The following CIRSR variants were observed in gnomAD, a reference collection of about 807,000 sequenced individuals.
CIRSR encodes corepressor of RBPJ and splicing regulator, also known as CBF1 (RBPJ) interacting corepressor 1.
chr2:174,370,865 C>T, the CIRSR span, among the ~76,000 whole-genome samples: 6 of 147,006 alleles, frequency 4.1e-5, no homozygotes, highest in East Asian at 2.0e-4. Context: ...GAGCCAAGAT[C>T]GAGCCACTGC....
At chr2:174,386,892 T>C in the CIRSR span, among the ~76,000 whole-genome samples, 1 of 152,362 alleles carries the variant, frequency 6.6e-6, no homozygotes, top group East Asian at 1.9e-4. Flanking sequence ...CTATATGTAT[T>C]TGTATCTCTT....
At chr2:174,369,853 G>A in the CIRSR span, 1 of 1,091,802 alleles carries the variant, frequency 9.2e-7, no homozygotes, top group Non-Finnish European at 1.2e-6. Flanking sequence ...AGATCACTGA[G>A]CACAGATCAC....
At chr2:174,380,809 T>C in the CIRSR span, 2 of 1,595,950 alleles carry the variant, frequency 1.3e-6, no homozygotes, top group South Asian at 2.2e-5. Flanking sequence ...TTTACCTCTT[T>C]GTTTTCTTGA....
At chr2:174,370,275 G>A in the CIRSR span, among the ~76,000 whole-genome samples, 1 of 152,256 alleles carries the variant, frequency 6.6e-6, no homozygotes, top group African/African-American at 2.4e-5. Flanking sequence ...GGTCTCAAAC[G>A]CTGGTCTTGA....
chr2:174,374,434 G>A, the CIRSR span, among the ~76,000 whole-genome samples: 1 of 152,134 alleles, frequency 6.6e-6, no homozygotes, highest in African/African-American at 2.4e-5. Context: ...TGTAAATCAG[G>A]GGTTGTGCCT....
chr2:174,374,723 C>T, the CIRSR span, among the ~76,000 whole-genome samples: 2 of 152,202 alleles, frequency 1.3e-5, no homozygotes, highest in African/African-American at 4.8e-5. Flanking sequence ...TGTGCTTAAC[C>T]GCTAAGTACA....
chr2:174,383,380 A>G, the CIRSR span, among the ~76,000 whole-genome samples: 1 of 152,100 alleles, frequency 6.6e-6, no homozygotes, highest in African/African-American at 2.4e-5. Context: ...AACAACAAAC[A>G]CTTTAAACAG....
chr2:174,353,553 C>T, the CIRSR span, among the ~76,000 whole-genome samples: 3 of 152,052 alleles, frequency 2.0e-5, no homozygotes, highest in African/African-American at 7.2e-5. Flanking sequence ...CTGCAACCTC[C>T]GCCACCTGGG....
At chr2:174,387,664 T>C in the CIRSR span, 3 of 1,568,022 alleles carry the variant, frequency 1.9e-6, no homozygotes, top group African/African-American at 4.1e-5. Flanking sequence ...CTAGATATAC[T>C]GGCATAACAG....
the CIRSR span, among the ~76,000 whole-genome samples, chr2:174,385,232 A>C: frequency 2.8e-4 from 32 of 115,172 alleles, no homozygotes; most frequent in South Asian, 9.1e-4. Context: ...AAAAAAAAAA[A>C]AAAAATTTTT....
At chr2:174,370,868 G>A in the CIRSR span, among the ~76,000 whole-genome samples, 1 of 146,860 alleles carries the variant, frequency 6.8e-6, no homozygotes, top group Non-Finnish European at 1.5e-5. Flanking sequence ...CCAAGATCGA[G>A]CCACTGCAAT....
the CIRSR span, among the ~76,000 whole-genome samples, chr2:174,366,412 G>GA: frequency 1.3e-5 from 2 of 151,856 alleles, no homozygotes; most frequent in African/African-American, 2.4e-5. Context: ...TTCACACTGT[G>GA]AAAAAATCAA....
At chr2:174,367,445 T>C in the CIRSR span, among the ~76,000 whole-genome samples, 5 of 151,664 alleles carry the variant, frequency 3.3e-5, no homozygotes, top group Non-Finnish European at 5.9e-5. Context: ...CCGGGTGTGG[T>C]GGGGGGCGCC....
chr2:174,393,039 A>G, the CIRSR span, among the ~76,000 whole-genome samples: 1 of 152,258 alleles, frequency 6.6e-6, no homozygotes, highest in African/African-American at 2.4e-5. Context: ...CAGGCTAAGA[A>G]TAAAGATCCA....
At chr2:174,381,392 C>T in the CIRSR span, among the ~76,000 whole-genome samples, 1 of 152,066 alleles carries the variant, frequency 6.6e-6, no homozygotes, top group Admixed American at 6.6e-5. Context: ...CGGTGGCTCA[C>T]GCTTGTAATC....
the CIRSR span, among the ~76,000 whole-genome samples, chr2:174,364,616 A>G: frequency 6.6e-6 from 1 of 152,326 alleles, no homozygotes; most frequent in Non-Finnish European, 1.5e-5. Context: ...TCTGAAATCT[A>G]GGTGGAGGTT....
At chr2:174,361,972 C>A in the CIRSR span, among the ~76,000 whole-genome samples, 1 of 151,952 alleles carries the variant, frequency 6.6e-6, no homozygotes, top group Non-Finnish European at 1.5e-5. Flanking sequence ...TACTCAGTCC[C>A]AAATATTTGA....
the CIRSR span, among the ~76,000 whole-genome samples, chr2:174,388,357 C>A: frequency 1.2e-4 from 19 of 152,126 alleles, no homozygotes; most frequent in Non-Finnish European, 2.6e-4. Flanking sequence ...TGCCACCACA[C>A]CAAACTAATT....
chr2:174,382,336 GA>G, the CIRSR span, among the ~76,000 whole-genome samples: 2 of 152,042 alleles, frequency 1.3e-5, no homozygotes, highest in Non-Finnish European at 2.9e-5. Context: ...TGAGGCCAGT[GA>G]AAAAAGAATA....
Sources: gnomAD v4.1 joint callset for allele counts (sites outside exome capture counted in the v4.1 genomes callset) on GRCh38, gnomAD v4.1.1 for gene constraint, MANE v1.5 for transcripts, NCBI Gene and HGNC (gene_info 2026-07-23, HGNC 2026-07-21) for gene names.